The following BAALC variants were observed in gnomAD, a reference collection of about 807,000 sequenced individuals.
BAALC encodes brain and acute leukemia cytoplasmic protein.
A neutral mutation model predicts 15.5 loss-of-function variants in BAALC; 9 were observed. The ratio of observed to expected loss-of-function variants is 0.58; its 90% confidence interval spans 0.35 to 1.02. BAALC has a LOEUF of 1.02. BAALC is among the 50% of genes least tolerant of loss of function. The probability of loss-of-function intolerance (pLI) is 0.02; values close to 1 mark genes in which losing one functional copy is unlikely to be tolerated. For synonymous variants in BAALC, 80 were observed against 74.6 expected, an observed-to-expected ratio of 1.07 and a Z score of -0.37; for missense variants, 201 against 192.4, an observed-to-expected ratio of 1.04 and a Z score of -0.27.
intron 1 of BAALC, among the ~76,000 whole-genome samples, chr8:103,173,889 C>T (rs192053779): frequency 7.2e-5 from 11 of 152,312 alleles, no homozygotes; most frequent in South Asian, 2.1e-4. Context: ...GTGCAAAATT[C>T]GTCACGGTCC....
intron 1 of BAALC, among the ~76,000 whole-genome samples, chr8:103,181,207 G>T (rs368843525): frequency 2.0e-5 from 3 of 152,268 alleles, no homozygotes; most frequent in African/African-American, 7.2e-5. Context: ...AGCAATTTTG[G>T]AGTGTTCATC....
chr8:103,150,404 G>A (rs1810962326), intron 1 of BAALC, among the ~76,000 whole-genome samples: 2 of 151,786 alleles, frequency 1.3e-5, no homozygotes, highest in South Asian at 4.2e-4. Context: ...TGTGTGCAGG[G>A]ACCAGCTTTC....
At chr8:103,194,801 C>A (rs1422803892) in intron 1 of BAALC, among the ~76,000 whole-genome samples, 6 of 152,244 alleles carry the variant, frequency 3.9e-5, no homozygotes, top group African/African-American at 1.4e-4. Flanking sequence ...GCAAAAAGGG[C>A]ACAAATGCTG....
intron 1 of BAALC, among the ~76,000 whole-genome samples, chr8:103,187,661 C>T (rs1389260553): frequency 2.6e-5 from 4 of 152,170 alleles, no homozygotes; most frequent in Admixed American, 6.5e-5. Flanking sequence ...TCTTTGGGGT[C>T]AGGTTGTGGA....
chr8:103,163,092 C>T (rs940115738), intron 1 of BAALC, among the ~76,000 whole-genome samples: 10 of 152,094 alleles, frequency 6.6e-5, no homozygotes, highest in African/African-American at 2.2e-4. Flanking sequence ...GCACCACTGA[C>T]CTGGCCAATC....
chr8:103,187,229 C>A (rs1054343722), intron 1 of BAALC, among the ~76,000 whole-genome samples: 2 of 152,148 alleles, frequency 1.3e-5, no homozygotes, highest in African/African-American at 4.8e-5. Flanking sequence ...GCACCGAAGT[C>A]CCCTCTTTAT....
chr8:103,158,812 T>A (rs1811159473), intron 1 of BAALC, among the ~76,000 whole-genome samples: 1 of 152,172 alleles, frequency 6.6e-6, no homozygotes, highest in South Asian at 2.1e-4. Context: ...TTCTGGAATT[T>A]TCCATTTAAT....
intron 1 of BAALC, among the ~76,000 whole-genome samples, chr8:103,194,377 CTT>C (rs1347546465): frequency 1.3e-5 from 2 of 149,974 alleles, no homozygotes; most frequent in African/African-American, 4.9e-5. Context: ...GTAGTCTTTT[CTT>C]TAATTTAATT....
intron 1 of BAALC, chr8:103,200,604 A>G: frequency 1.7e-6 from 1 of 585,740 alleles, no homozygotes. Flanking sequence ...TCTGGCTTAG[A>G]CTGAAATACC....
At chr8:103,151,949 C>T (rs1462256059) in intron 1 of BAALC, among the ~76,000 whole-genome samples, 1 of 152,120 alleles carries the variant, frequency 6.6e-6, no homozygotes, top group Non-Finnish European at 1.5e-5. Context: ...ACCTCACAGG[C>T]AGCTCCATTT....
intron 1 of BAALC, among the ~76,000 whole-genome samples, chr8:103,164,842 G>C (rs1811309720): frequency 1.3e-5 from 2 of 152,084 alleles, no homozygotes; most frequent in South Asian, 4.1e-4. Context: ...CTGCTGTATG[G>C]TCAGCCTTGT....
chr8:103,173,072 T>G (rs1217983752), intron 1 of BAALC, among the ~76,000 whole-genome samples: 1 of 152,240 alleles, frequency 6.6e-6, no homozygotes, highest in Non-Finnish European at 1.5e-5. Flanking sequence ...CATTTCACTT[T>G]TGCCCACTGG....
At chr8:103,178,591 A>G (rs1013426928) in intron 1 of BAALC, among the ~76,000 whole-genome samples, 28 of 152,072 alleles carry the variant, frequency 1.8e-4, no homozygotes, top group Non-Finnish European at 7.4e-5. Flanking sequence ...GGGCACAGTG[A>G]CTCACGCCTG....
intron 1 of BAALC, among the ~76,000 whole-genome samples, chr8:103,181,295 CAG>C (rs1811721763): frequency 6.6e-6 from 1 of 152,112 alleles, no homozygotes; most frequent in African/African-American, 2.4e-5. Flanking sequence ...GTTTTTGAGA[CAG>C]AGTCTCGCTC....
chr8:103,199,544 G>T (rs1812168157), intron 1 of BAALC, among the ~76,000 whole-genome samples: 1 of 151,894 alleles, frequency 6.6e-6, no homozygotes, highest in Non-Finnish European at 1.5e-5. Context: ...TGATTGCTTT[G>T]AGCGATTTTA....
intron 2 of BAALC, among the ~76,000 whole-genome samples, chr8:103,216,061 C>T (rs1415514341): frequency 6.6e-6 from 1 of 152,214 alleles, no homozygotes; most frequent in Non-Finnish European, 1.5e-5. Flanking sequence ...TTTTGCTCAA[C>T]ATTATCCTTG....
intron 1 of BAALC, among the ~76,000 whole-genome samples, chr8:103,166,473 G>C (rs1190177232): frequency 6.6e-6 from 1 of 152,124 alleles, no homozygotes; most frequent in Non-Finnish European, 1.5e-5. Flanking sequence ...GCAGATGTGT[G>C]GGAGGGTATG....
intron 1 of BAALC, among the ~76,000 whole-genome samples, chr8:103,174,361 G>A (rs776648843): frequency 2.0e-5 from 3 of 151,872 alleles, no homozygotes; most frequent in South Asian, 2.1e-4. Flanking sequence ...TTTGCACATC[G>A]GGCACAGCCA....
chr8:103,140,862 C>T lies in BAALC; in HGVS notation c.-36C>T. The T allele has an allele frequency of 6.8e-7, 1 of 1,463,802 alleles. No individual in the cohort carries two copies. Among genetic ancestry groups the T allele is most frequent in the Non-Finnish European group, 9.0e-7 (1 of 1,107,370 alleles). 90.7% of individuals were successfully genotyped at this position (1,463,802 alleles called of 1,614,324 possible). A position where few individuals can be genotyped will look rare whatever the true frequency, so the allele number is the denominator to read the frequency against. On this transcript the variant is annotated 5_prime_UTR_variant, in exon 1 of 3. Transcript: ENST00000309982. The surrounding 1 kb of genome is among the most constrained non-coding windows in gnomAD (Gnocchi z 4.2). Reference sequence around the variant, plus strand: ...GCTGAGCCGCCGCCAGAGCCGACAGCCGAGCAGCCGCTGGGCGCTCCCGCG... The same window carrying T: ...GCTGAGCCGCCGCCAGAGCCGACAGTCGAGCAGCCGCTGGGCGCTCCCGCG...
Sources: gnomAD v4.1 joint callset for allele counts (sites outside exome capture counted in the v4.1 genomes callset) on GRCh38, gnomAD v4.1.1 for gene constraint, Gnocchi (gnomAD v3.1) non-coding constraint, MANE v1.5 for transcripts, NCBI Gene and HGNC (gene_info 2026-07-23, HGNC 2026-07-21) for gene names.